Variants in PCSK5 observed in about 807,000 individuals in gnomAD.
PCSK5 encodes prohormone convertase 5.
In PCSK5, 129 loss-of-function variants were observed where a neutral mutation model predicts 233.2. The observed-to-expected ratio is 0.55, with a 90% CI of 0.48 to 0.64. PCSK5 has a LOEUF of 0.64. PCSK5 is among the 30% of genes least tolerant of loss of function. The pLI, the probability that PCSK5 is intolerant of heterozygous loss-of-function variation, is 0.00. For synonymous variants in PCSK5, 825 were observed against 879.2 expected, an observed-to-expected ratio of 0.94 and a Z score of 1.09; for missense variants, 2,076 against 2,430.1, an observed-to-expected ratio of 0.85 and a Z score of 3.06.
At chr9:76,144,177 T>TC (rs1823342813) in intron 10 of PCSK5, among the ~76,000 whole-genome samples, 1 of 152,196 alleles carries the variant, frequency 6.6e-6, no homozygotes, top group African/African-American at 2.4e-5. Flanking sequence ...TTTTTAGTAG[T>TC]CTTAAGAAGC....
chr9:76,058,799 C>T (rs1354211116), intron 5 of PCSK5, among the ~76,000 whole-genome samples: 1 of 152,058 alleles, frequency 6.6e-6, no homozygotes, highest in East Asian at 1.9e-4. Flanking sequence ...GTGTTTAAAT[C>T]AAAAGAGACT....
At chr9:76,193,143 T>C in intron 20 of PCSK5, 1 of 1,082,800 alleles carries the variant, frequency 9.2e-7, no homozygotes, top group Non-Finnish European at 1.3e-6. Flanking sequence ...TCCCCAAATC[T>C]GCCTCTCTGG....
intron 2 of PCSK5, among the ~76,000 whole-genome samples, chr9:75,963,715 C>A (rs1825454354): frequency 6.6e-6 from 1 of 152,132 alleles, no homozygotes; most frequent in Non-Finnish European, 1.5e-5. Context: ...CCCGTCTCTA[C>A]TAAAAATACA....
At chr9:76,029,160 G>C (rs772020596) in intron 5 of PCSK5, among the ~76,000 whole-genome samples, 3 of 152,070 alleles carry the variant, frequency 2.0e-5, no homozygotes, top group African/African-American at 7.2e-5. Context: ...CTTAACGCAG[G>C]CCAGGCTGGG....
At chr9:76,262,666 CA>C in intron 24 of PCSK5, among the ~76,000 whole-genome samples, 1 of 150,216 alleles carries the variant, frequency 6.7e-6, no homozygotes, top group South Asian at 2.1e-4. Context: ...CCTAAAACCA[CA>C]AAAACCCTAG....
At chr9:75,983,178 T>TA (rs1826354978) in intron 2 of PCSK5, among the ~76,000 whole-genome samples, 1 of 152,204 alleles carries the variant, frequency 6.6e-6, no homozygotes, top group African/African-American at 2.4e-5. Context: ...TACTTTTTAA[T>TA]ATCTAAAGGG....
chr9:76,091,312 TGAGA>T (rs71992221), intron 7 of PCSK5, among the ~76,000 whole-genome samples: 3 of 150,038 alleles, frequency 2.0e-5, no homozygotes, highest in African/African-American at 4.9e-5. Flanking sequence ...GCCTACAATC[TGAGA>T]GAGAGAGAGA....
At position 75,967,145 on chromosome 9, in the gene PCSK5, G is replaced by A. The variant is rs141002755; in HGVS notation, c.298-18987G>A. ...TTCTATTTTACTTTAGGTTCAGGGG[G>A]TGAATGTGCAGTTTTGTTACATGGG... On this transcript the variant is annotated intron_variant, in intron 2 of 37. Transcript: ENST00000674117. Among the ~76,000 whole-genome samples the A allele has an allele frequency of 3.1e-3, 472 of 152,078 alleles. 5 individuals are homozygous for A. The highest frequency in any genetic ancestry group is 0.011 in the African/African-American group (438 of 41,482).
chr9:76,234,885 C>CTT (rs1826201406), intron 22 of PCSK5, among the ~76,000 whole-genome samples: 1 of 152,092 alleles, frequency 6.6e-6, no homozygotes, highest in African/African-American at 2.4e-5. Context: ...TGAGATGTTT[C>CTT]CTCTTCTCTG....
intron 5 of PCSK5, among the ~76,000 whole-genome samples, chr9:76,039,428 T>G (rs1001789419): frequency 6.6e-6 from 1 of 152,196 alleles, no homozygotes; most frequent in Non-Finnish European, 1.5e-5. Context: ...CTTAAAAAAT[T>G]TATAGGTTTC....
intron 3 of PCSK5, among the ~76,000 whole-genome samples, chr9:76,009,975 G>C (rs968811661): frequency 6.6e-6 from 1 of 151,950 alleles, no homozygotes; most frequent in Non-Finnish European, 1.5e-5. Flanking sequence ...CGCTGCACCA[G>C]GCCTGAAGAA....
chr9:76,254,320 G>C (rs1414260678), intron 24 of PCSK5, among the ~76,000 whole-genome samples: 1 of 152,172 alleles, frequency 6.6e-6, no homozygotes, highest in East Asian at 1.9e-4. Context: ...CTTTCACATT[G>C]TGTGTTTGTA....
At chr9:76,198,693 G>A (rs1039320677) in intron 20 of PCSK5, among the ~76,000 whole-genome samples, 3 of 152,152 alleles carry the variant, frequency 2.0e-5, no homozygotes, top group Admixed American at 6.5e-5. Context: ...CAAAAGAGTT[G>A]CTTCCATAAA....
At chr9:76,075,122 A>C (rs182807447) in intron 7 of PCSK5, among the ~76,000 whole-genome samples, 1 of 152,262 alleles carries the variant, frequency 6.6e-6, no homozygotes, top group East Asian at 1.9e-4. Flanking sequence ...CAAGAGGCTG[A>C]GGCAGGAGAA....
At chr9:76,303,121 A>G (rs991519543) in intron 28 of PCSK5, among the ~76,000 whole-genome samples, 2 of 152,166 alleles carry the variant, frequency 1.3e-5, no homozygotes, top group African/African-American at 4.8e-5. Flanking sequence ...TGCCCTGCCC[A>G]GGCCTAATTG....
At chr9:76,020,306 G>A (rs892004393) in intron 3 of PCSK5, among the ~76,000 whole-genome samples, 1 of 152,216 alleles carries the variant, frequency 6.6e-6, no homozygotes, top group Admixed American at 6.5e-5. Context: ...TCAGTGTTGG[G>A]TGACATCAGT....
At position 76,154,664 on chromosome 9, in the gene PCSK5, G is replaced by T. The variant is rs1230022291; in HGVS notation, c.1313-2381G>T. 2.6e-5 allele frequency among the ~76,000 whole-genome samples: 4 copies of T among 152,120 alleles called. No individual in the cohort carries two copies. The East Asian group carries it at 7.7e-4, about 29-fold the overall frequency. ...TTTAAAACCACTTGACACTAGCATG[G>T]GGTATATTTAAGGACTGATCGGAGG... On this transcript the variant is annotated intron_variant, in intron 10 of 37. Coordinates refer to ENST00000674117, the MANE Select transcript of PCSK5 (RefSeq NM_001372043.1).
intron 9 of PCSK5, among the ~76,000 whole-genome samples, chr9:76,115,995 C>T (rs1349838754): frequency 1.3e-5 from 2 of 152,030 alleles, no homozygotes; most frequent in Admixed American, 1.3e-4. Context: ...CCTAATTGTT[C>T]CTAGTGACAC....
intron 35 of PCSK5, among the ~76,000 whole-genome samples, chr9:76,341,053 G>A (rs75282712): frequency 5.5e-4 from 74 of 134,636 alleles, no homozygotes; most frequent in Admixed American, 5.9e-4. Context: ...TGTTTCTACA[G>A]AAAAAAAAAA....
Sources: gnomAD v4.1 joint callset for allele counts (sites outside exome capture counted in the v4.1 genomes callset) on GRCh38, gnomAD v4.1.1 for gene constraint, MANE v1.5 for transcripts, NCBI Gene and HGNC (gene_info 2026-07-23, HGNC 2026-07-21) for gene names.